Variants in CAB39 observed in about 807,000 individuals in gnomAD.
CAB39 encodes the protein calcium-binding protein 39.
Under a neutral mutation model 40.0 loss-of-function variants are expected in CAB39, and 8 were observed. The observed-to-expected ratio is 0.20, with a 90% confidence interval of 0.12 to 0.36. CAB39 has a LOEUF of 0.36. Ranked by LOEUF, CAB39 falls within the 10% of genes least tolerant of loss-of-function variation. The pLI, the probability that CAB39 is intolerant of heterozygous loss-of-function variation, is 1.00. For missense variants in CAB39, 270 were observed against 401.1 expected (o/e 0.67, Z 2.79); for synonymous variants, 156 against 141.6 (o/e 1.10, Z -0.72).
intron 5 of CAB39, among the ~76,000 whole-genome samples, chr2:230,804,405 CTAAA>C (rs1367084343): frequency 6.6e-6 from 1 of 151,950 alleles, no homozygotes; most frequent in Non-Finnish European, 1.5e-5. Flanking sequence ...TAAATGGGAT[CTAAA>C]TAAAGAGCTT....
At chr2:230,724,751 C>CTTTT (rs576437702) in intron 1 of CAB39, among the ~76,000 whole-genome samples, 2 of 111,784 alleles carry the variant, frequency 1.8e-5, no homozygotes, top group African/African-American at 7.1e-5. Flanking sequence ...CTCGTTTAAT[C>CTTTT]TTTTTTTTTT....
rs769127587 is a variant in CAB39 at position 230,765,317 on chromosome 2, G to A, written c.114+5202G>A. Among the ~76,000 whole-genome samples, 10 of 152,196 alleles carry A rather than the reference G, an allele frequency of 6.6e-5. 1 individual carries two copies. The highest frequency in any genetic ancestry group is 3.4e-3 in the Middle Eastern group (1 of 294). ...GCAATAACTGCTATTAAAGTTTGGC[G>A]TCACTGCCTTTGTTCATGCTTGGTT... is the stretch of plus-strand genomic sequence containing the variant. On this transcript the variant is annotated intron_variant, in intron 2 of 8. Transcript: ENST00000258418.
intron 2 of CAB39, among the ~76,000 whole-genome samples, chr2:230,783,649 C>T (rs1455866036): frequency 6.7e-6 from 1 of 149,934 alleles, no homozygotes; most frequent in Admixed American, 6.7e-5. Flanking sequence ...TAGGCATGCA[C>T]CACTATGCCC....
At chr2:230,763,911 C>G (rs1402429166) in intron 2 of CAB39, among the ~76,000 whole-genome samples, 4 of 152,076 alleles carry the variant, frequency 2.6e-5, no homozygotes, top group South Asian at 2.1e-4. Context: ...CACTTGAGTT[C>G]AGGAGTTCGA....
In CAB39 at chr2:230,819,666, G is replaced by T. The variant is rs559936306; in HGVS notation, c.*962G>T. Reference sequence around the variant, plus strand: ...ACATTTAAGTATCACAGCATTAAAAGAAAAAGAAAGTAAACCAGTCCTTTG... The same window carrying T: ...ACATTTAAGTATCACAGCATTAAAATAAAAAGAAAGTAAACCAGTCCTTTG... On this transcript the variant is annotated 3_prime_UTR_variant, in exon 9 of 9. Transcript: ENST00000258418. The T allele has an allele frequency of 6.6e-6, 1 of 152,482 alleles. No homozygotes were observed. The highest frequency in any genetic ancestry group is 2.1e-4 in the South Asian group (1 of 4,826). 9.4% of individuals were successfully genotyped at this position (152,482 alleles called of 1,614,324 possible). A position where few individuals can be genotyped will look rare whatever the true frequency, so the allele number is the denominator to read the frequency against.
At chr2:230,765,802 C>G (rs934720796) in intron 2 of CAB39, among the ~76,000 whole-genome samples, 2 of 152,034 alleles carry the variant, frequency 1.3e-5, no homozygotes, top group Admixed American at 1.3e-4. Flanking sequence ...TAGCTCCCCA[C>G]AACAAAGGGT....
At chr2:230,714,807 A>C (rs1386070448) in intron 1 of CAB39, among the ~76,000 whole-genome samples, 1 of 152,244 alleles carries the variant, frequency 6.6e-6, no homozygotes, top group Non-Finnish European at 1.5e-5. Context: ...ATTGTTAGGA[A>C]GTAATTAGCA....
intron 2 of CAB39, among the ~76,000 whole-genome samples, chr2:230,770,308 T>G (rs1488563965): frequency 2.0e-5 from 3 of 152,160 alleles, no homozygotes; most frequent in Non-Finnish European, 4.4e-5. Context: ...TTACCACAGA[T>G]TGTACAAGTT....
At chr2:230,808,089 AT>A (rs1479046588) in intron 5 of CAB39, among the ~76,000 whole-genome samples, 5 of 139,256 alleles carry the variant, frequency 3.6e-5, no homozygotes, top group Middle Eastern at 7.0e-3. Flanking sequence ...TTTTTTTTTA[AT>A]TTTTTTTATT....
intron 2 of CAB39, among the ~76,000 whole-genome samples, chr2:230,778,114 G>C (rs192410193): frequency 1.4e-3 from 212 of 152,284 alleles, no homozygotes; most frequent in African/African-American, 4.8e-3. Flanking sequence ...TTAGCCATTT[G>C]TATACTTCAG....
intron 5 of CAB39, 125 bp downstream of exon 5, chr2:230,799,022 G>A (rs1163252883): frequency 3.0e-6 from 2 of 667,552 alleles, no homozygotes; most frequent in South Asian, 2.3e-5. Context: ...GATACATTTT[G>A]TATATGTTTG....
chr2:230,809,138 T>C (rs1180722586), intron 5 of CAB39, among the ~76,000 whole-genome samples: 1 of 152,174 alleles, frequency 6.6e-6, no homozygotes, highest in Non-Finnish European at 1.5e-5. Context: ...ACAGAGGCCC[T>C]TTCGGGAAGG....
At chr2:230,749,771 G>A (rs75445439) in intron 1 of CAB39, among the ~76,000 whole-genome samples, 2 of 152,168 alleles carry the variant, frequency 1.3e-5, no homozygotes. Flanking sequence ...ATCTTTGTAT[G>A]TAAATCTTAG....
chr2:230,751,035 A>T (rs1024085087), intron 1 of CAB39, among the ~76,000 whole-genome samples: 2 of 152,248 alleles, frequency 1.3e-5, no homozygotes, highest in African/African-American at 2.4e-5. Context: ...TGTTTTAATT[A>T]AGTAACATTA....
intron 1 of CAB39, among the ~76,000 whole-genome samples, chr2:230,741,344 G>A (rs568143704): frequency 3.8e-4 from 58 of 152,082 alleles, no homozygotes; most frequent in Non-Finnish European, 6.9e-4. Context: ...CCCAATCCTG[G>A]ATGCCTCCAT....
At chr2:230,772,779 C>G (rs185997618) in intron 2 of CAB39, among the ~76,000 whole-genome samples, 1 of 152,234 alleles carries the variant, frequency 6.6e-6, no homozygotes, top group Admixed American at 6.5e-5. Context: ...GACACCACGC[C>G]TGGCCTAGTT....
intron 1 of CAB39, among the ~76,000 whole-genome samples, chr2:230,733,518 G>A (rs190943641): frequency 4.8e-4 from 73 of 152,266 alleles, no homozygotes; most frequent in Non-Finnish European, 1.8e-4. Flanking sequence ...TGGCTCTAAA[G>A]TATTCGACTT....
intron 1 of CAB39, among the ~76,000 whole-genome samples, chr2:230,739,528 C>G (rs1575911823): frequency 6.6e-6 from 1 of 152,062 alleles, no homozygotes; most frequent in East Asian, 1.9e-4. Flanking sequence ...AGAGTTTCGC[C>G]CTGTTGCCCA....
At chr2:230,735,540 G>T (rs1694774511) in intron 1 of CAB39, among the ~76,000 whole-genome samples, 1 of 140,826 alleles carries the variant, frequency 7.1e-6, no homozygotes, top group Admixed American at 7.1e-5. Flanking sequence ...GGGGGACAGA[G>T]TCTCCTTCTG....
Sources: gnomAD v4.1 joint callset for allele counts (sites outside exome capture counted in the v4.1 genomes callset) on GRCh38, gnomAD v4.1.1 for gene constraint, MANE v1.5 for transcripts, NCBI Gene and HGNC (gene_info 2026-07-23, HGNC 2026-07-21) for gene names.